The following LRMDA variants were observed in gnomAD, a reference collection of about 807,000 sequenced individuals.
The protein encoded by LRMDA is leucine rich melanocyte differentiation associated.
Under a neutral mutation model 29.8 loss-of-function variants are expected in LRMDA, and 18 were observed. The observed-to-expected ratio is 0.60, with a 90% CI of 0.42 to 0.90. LRMDA has a LOEUF of 0.90. Ranked by LOEUF, LRMDA falls within the 40% of genes least tolerant of loss-of-function variation. The probability of loss-of-function intolerance (pLI) is 0.00; values close to 1 mark genes in which losing one functional copy is unlikely to be tolerated. For synonymous variants in LRMDA, 125 were observed against 109.4 expected, an observed-to-expected ratio of 1.14 and a Z score of -0.89; for missense variants, 273 against 273.9, an observed-to-expected ratio of 1.00 and a Z score of 0.02.
intron 2 of LRMDA, among the ~76,000 whole-genome samples, chr10:75,686,185 AG>A (rs1467968340): frequency 2.0e-5 from 3 of 152,140 alleles, no homozygotes; most frequent in African/African-American, 7.2e-5. Context: ...CTGGGGATGG[AG>A]GGCAGGTGAT....
chr10:75,836,944 T>C (rs999538899), intron 2 of LRMDA, among the ~76,000 whole-genome samples: 1 of 152,148 alleles, frequency 6.6e-6, no homozygotes, highest in African/African-American at 2.4e-5. Flanking sequence ...TACATAAAAC[T>C]GGAGAGGAGG....
intron 2 of LRMDA, among the ~76,000 whole-genome samples, chr10:75,746,548 C>T (rs761705609): frequency 2.2e-4 from 34 of 152,114 alleles, no homozygotes; most frequent in Non-Finnish European, 3.5e-4. Context: ...TGCAGAGGCT[C>T]TTACAAATAT....
At chr10:76,221,395 A>G (rs575059431) in intron 5 of LRMDA, among the ~76,000 whole-genome samples, 3 of 152,218 alleles carry the variant, frequency 2.0e-5, no homozygotes, top group Non-Finnish European at 4.4e-5. Context: ...CCCAAAATCT[A>G]CTTAAGCTGA....
intron 6 of LRMDA, among the ~76,000 whole-genome samples, chr10:76,522,352 T>C (rs1170229511): frequency 1.3e-5 from 2 of 152,180 alleles, no homozygotes; most frequent in Non-Finnish European, 2.9e-5. Flanking sequence ...GCAACTATAA[T>C]TGAAGTACCC....
chr10:75,432,848 CAT>C (rs998013586), intron 1 of LRMDA, among the ~76,000 whole-genome samples: 12 of 152,274 alleles, frequency 7.9e-5, no homozygotes, highest in South Asian at 4.1e-4. Context: ...ATCAGGTACA[CAT>C]GTTTATTGAG....
chr10:76,261,095 C>T (rs551423097), intron 5 of LRMDA, among the ~76,000 whole-genome samples: 3 of 124,480 alleles, frequency 2.4e-5, no homozygotes, highest in South Asian at 2.6e-4. Flanking sequence ...GACGGAGTCT[C>T]GCTCTGTTGC....
intron 2 of LRMDA, among the ~76,000 whole-genome samples, chr10:75,853,393 G>A (rs1844765447): frequency 6.6e-6 from 1 of 151,930 alleles, no homozygotes; most frequent in Non-Finnish European, 1.5e-5. Flanking sequence ...GATAATCAGA[G>A]TGTCCTGGCA....
intron 5 of LRMDA, among the ~76,000 whole-genome samples, chr10:76,228,715 T>C (rs1368906301): frequency 6.6e-6 from 1 of 152,092 alleles, no homozygotes; most frequent in Non-Finnish European, 1.5e-5. Context: ...CAACCTACAA[T>C]AGTTGTGTTA....
intron 6 of LRMDA, among the ~76,000 whole-genome samples, chr10:76,475,447 A>G (rs1232586412): frequency 6.6e-6 from 1 of 152,038 alleles, no homozygotes; most frequent in Non-Finnish European, 1.5e-5. Context: ...CACAATAATA[A>G]TGCAAGACTT....
At position 76,226,372 on chromosome 10, in the gene LRMDA, C is replaced by T. The variant is rs145341025; in HGVS notation, c.517-98029C>T. Among the ~76,000 whole-genome samples, 35 of 152,108 alleles carry T rather than the reference C, an allele frequency of 2.3e-4. 1 individual carries two copies. The East Asian group carries it at 6.4e-3, about 28-fold the overall frequency. The stretch of plus-strand genomic sequence containing the variant: ...CTGAAGCGGGTGGATCACCTGAGGT[C>T]GGGAGTTCAAGACCAGCCTGGCCAA... On this transcript the variant is annotated intron_variant, in intron 5 of 6. Coordinates refer to ENST00000611255, the MANE Select transcript of LRMDA (RefSeq NM_001305581.2).
At chr10:75,664,691 A>T (rs2132137673) in intron 2 of LRMDA, among the ~76,000 whole-genome samples, 1 of 152,318 alleles carries the variant, frequency 6.6e-6, no homozygotes, top group East Asian at 1.9e-4. Context: ...TTCAGGGTGA[A>T]GGAATACAAT....
chr10:75,575,989 C>T (rs1307640282), intron 2 of LRMDA, among the ~76,000 whole-genome samples: 1 of 150,296 alleles, frequency 6.7e-6, no homozygotes, highest in African/African-American at 2.5e-5. Flanking sequence ...TTTCACTCCT[C>T]AGTGGCGCCT....
intron 2 of LRMDA, among the ~76,000 whole-genome samples, chr10:75,984,508 C>G (rs945214928): frequency 3.3e-5 from 5 of 152,230 alleles, no homozygotes; most frequent in Non-Finnish European, 5.9e-5. Context: ...GAACGTGTCC[C>G]ACTCACAGGG....
At chr10:75,639,705 A>G (rs1841428672) in intron 2 of LRMDA, among the ~76,000 whole-genome samples, 1 of 152,076 alleles carries the variant, frequency 6.6e-6, no homozygotes, top group Admixed American at 6.5e-5. Flanking sequence ...GGTTTAACTT[A>G]GGTTTGAGAG....
chr10:76,301,547 T>C (rs1840480279), intron 5 of LRMDA, among the ~76,000 whole-genome samples: 1 of 152,186 alleles, frequency 6.6e-6, no homozygotes, highest in Non-Finnish European at 1.5e-5. Flanking sequence ...TGCCAAAGTA[T>C]ATTTATGAAT....
intron 6 of LRMDA, among the ~76,000 whole-genome samples, chr10:76,330,174 T>C (rs1442694103): frequency 6.6e-6 from 1 of 152,206 alleles, no homozygotes; most frequent in Admixed American, 6.5e-5. Flanking sequence ...TGCGATACTT[T>C]TCCTCATCTA....
chr10:76,486,979 T>G (rs559039077), intron 6 of LRMDA, among the ~76,000 whole-genome samples: 4 of 152,054 alleles, frequency 2.6e-5, no homozygotes, highest in African/African-American at 9.6e-5. Context: ...ATGCTAAAGA[T>G]GAACAGGTTA....
chr10:76,279,538 T>G (rs1840175941), intron 5 of LRMDA, among the ~76,000 whole-genome samples: 1 of 141,618 alleles, frequency 7.1e-6, no homozygotes, highest in South Asian at 2.2e-4. Flanking sequence ...AACAAATGCT[T>G]CTTTTTTTTT....
chr10:75,965,799 T>C (rs1846849235), intron 2 of LRMDA, among the ~76,000 whole-genome samples: 1 of 152,180 alleles, frequency 6.6e-6, no homozygotes, highest in Non-Finnish European at 1.5e-5. Flanking sequence ...CCTAGATTTC[T>C]CCAAAGTGAG....
Sources: gnomAD v4.1 joint callset for allele counts (sites outside exome capture counted in the v4.1 genomes callset) on GRCh38, gnomAD v4.1.1 for gene constraint, MANE v1.5 for transcripts, NCBI Gene and HGNC (gene_info 2026-07-23, HGNC 2026-07-21) for gene names.